Variants in RAPGEF5 observed in about 807,000 individuals in gnomAD.
The protein encoded by RAPGEF5 is M-Ras-regulated GEF.
RAPGEF5 carries 65 observed loss-of-function variants against 125.2 expected under a neutral mutation model. The ratio of observed to expected loss-of-function variants is 0.52; its 90% CI spans 0.43 to 0.64. RAPGEF5 has a LOEUF of 0.64. Ranked by LOEUF, RAPGEF5 falls within the 30% of genes least tolerant of loss-of-function variation. The probability of loss-of-function intolerance (pLI) is 0.00; values close to 1 mark genes in which losing one functional copy is unlikely to be tolerated. For missense variants in RAPGEF5, 958 were observed against 1,048.1 expected (o/e 0.91, Z 1.19); for synonymous variants, 391 against 385.9 (o/e 1.01, Z -0.16).
chr7:22,251,054 T>C (rs554268329), intron 7 of RAPGEF5, among the ~76,000 whole-genome samples: 73 of 152,262 alleles, frequency 4.8e-4, no homozygotes, highest in African/African-American at 1.5e-3. Flanking sequence ...TGGCAAGGAT[T>C]TTTCTTCTTA....
At chr7:22,347,865 A>G (rs1327395215) in intron 1 of RAPGEF5, among the ~76,000 whole-genome samples, 7 of 152,220 alleles carry the variant, frequency 4.6e-5, no homozygotes, top group Non-Finnish European at 1.0e-4. Flanking sequence ...AAATATTAAT[A>G]GTTATCATCA....
chr7:22,318,138 G>GAAAAAAA, intron 1 of RAPGEF5, 101 bp from the exon 2 acceptor site: 1 of 701,996 alleles, frequency 1.4e-6, no homozygotes, highest in South Asian at 3.0e-5. Flanking sequence ...CCTCTGCTAT[G>GAAAAAAA]AAAAAAAAAA....
chr7:22,214,667 T>C lies in RAPGEF5; in HGVS notation c.996+5199A>G, dbSNP rs1785591508. On this transcript the variant is annotated intron_variant, in intron 9 of 25. Coordinates refer to ENST00000665637, the MANE Select transcript of RAPGEF5 (RefSeq NM_012294.5). ...AAGTTACGACTGGGCAAGCACCTTT[T>C]CTTTTTCTGCATTCCCGCCCCCCAA... Among the ~76,000 whole-genome samples, 3 of 152,282 alleles carry C rather than the reference T, an allele frequency of 2.0e-5. No individual in the cohort carries two copies. In the South Asian group the frequency reaches 6.2e-4, roughly 32 times the overall value.
At chr7:22,148,091 C>T (rs187634793) in intron 18 of RAPGEF5, among the ~76,000 whole-genome samples, 5 of 151,838 alleles carry the variant, frequency 3.3e-5, no homozygotes, top group African/African-American at 7.3e-5. Flanking sequence ...GTGTGGTGCT[C>T]GGAAAGCAAT....
chr7:22,316,485 A>ATTTTTT (rs1422209244), intron 2 of RAPGEF5, among the ~76,000 whole-genome samples: 1 of 29,598 alleles, frequency 3.4e-5, no homozygotes, highest in African/African-American at 1.2e-4. Flanking sequence ...ATATATATAT[A>ATTTTTT]TATATTTTTT....
intron 11 of RAPGEF5, among the ~76,000 whole-genome samples, chr7:22,185,841 T>C (rs1784808457): frequency 1.3e-5 from 2 of 152,108 alleles, no homozygotes; most frequent in Admixed American, 1.3e-4. Context: ...TTAGCATGTA[T>C]GCAAACAAAT....
chr7:22,315,625 C>T, intron 2 of RAPGEF5, 149 bp from the exon 3 acceptor site: 1 of 532,898 alleles, frequency 1.9e-6, no homozygotes, highest in Non-Finnish European at 2.4e-6. Flanking sequence ...AAGGTTGAGA[C>T]ATATTTTAGC....
In RAPGEF5 at chr7:22,187,932, A is replaced by T. The variant is rs1675897726; in HGVS notation, c.1204+5435T>A. On this transcript the variant is annotated intron_variant, in intron 11 of 25. Transcript: ENST00000665637. ...TAAAGACCTTAAGGCCTAGGCCCCA[A>T]CTCAGCCCAACTGAATTAGGATCTC... Among the ~76,000 whole-genome samples the T allele has an allele frequency of 2.0e-5, 3 of 152,210 alleles. No individual in the cohort carries two copies. In the South Asian group the frequency reaches 6.2e-4, roughly 32 times the overall value.
At chr7:22,223,241 G>A (rs531406132) in intron 8 of RAPGEF5, among the ~76,000 whole-genome samples, 1 of 152,264 alleles carries the variant, frequency 6.6e-6, no homozygotes, top group South Asian at 2.1e-4. Context: ...AGAGAATCTG[G>A]AGAGTAGTGA....
Position 22,230,932 on chromosome 7 carries a change from A to G in RAPGEF5, c.797-13T>C, listed in dbSNP as rs768183570. On this transcript the variant is annotated splice_polypyrimidine_tract_variant and intron_variant, in intron 7 of 25. Coordinates refer to ENST00000665637, the MANE Select transcript of RAPGEF5 (RefSeq NM_012294.5). ...TCTTGTTCAATTGCTTAAAAAAAAG[A>G]ACACCATTAAACAAATGTATCATCA... The G allele has an allele frequency of 3.2e-6, 5 of 1,549,290 alleles. No individual in the cohort carries two copies. The highest frequency in any genetic ancestry group is 4.4e-6 in the Non-Finnish European group (5 of 1,143,686).
At chr7:22,187,244 T>C (rs1463079919) in intron 11 of RAPGEF5, among the ~76,000 whole-genome samples, 2 of 152,168 alleles carry the variant, frequency 1.3e-5, no homozygotes, top group African/African-American at 2.4e-5. Context: ...TTCTGTAACA[T>C]ATTTTGCAAG....
At chr7:22,183,206 T>G (rs774898594) in intron 11 of RAPGEF5, among the ~76,000 whole-genome samples, 1 of 140,710 alleles carries the variant, frequency 7.1e-6, no homozygotes, top group African/African-American at 2.7e-5. Flanking sequence ...GAGGGGGAGG[T>G]TGCAGTGAGT....
At chr7:22,201,799 G>C (rs1326037455) in intron 9 of RAPGEF5, among the ~76,000 whole-genome samples, 9 of 152,206 alleles carry the variant, frequency 5.9e-5, no homozygotes, top group Non-Finnish European at 7.3e-5. Context: ...CAGGCTTCTA[G>C]TTCCAATATA....
At chr7:22,301,234 T>C (rs1783191291) in intron 5 of RAPGEF5, among the ~76,000 whole-genome samples, 2 of 152,220 alleles carry the variant, frequency 1.3e-5, no homozygotes, top group Admixed American at 6.5e-5. Flanking sequence ...TTATTCTTCA[T>C]AAGACTCTTC....
chr7:22,148,470 T>C (rs2128106347), intron 18 of RAPGEF5, among the ~76,000 whole-genome samples: 1 of 152,370 alleles, frequency 6.6e-6, no homozygotes, highest in East Asian at 1.9e-4. Context: ...AGAAGATTAA[T>C]CTATGTGAAA....
chr7:22,147,344 C>T (rs1209690814), intron 18 of RAPGEF5, among the ~76,000 whole-genome samples: 1 of 152,136 alleles, frequency 6.6e-6, no homozygotes, highest in African/African-American at 2.4e-5. Context: ...AAGTGAAAGC[C>T]CCGAAATCAC....
chr7:22,278,510 A>G (rs902693375), intron 6 of RAPGEF5, among the ~76,000 whole-genome samples: 1 of 152,086 alleles, frequency 6.6e-6, no homozygotes, highest in Non-Finnish European at 1.5e-5. Context: ...AAAGTAGATG[A>G]GGAAAAATCA....
rs569493558 is a variant in RAPGEF5 at position 22,289,010 on chromosome 7, A to G, written c.747+2165T>C. Among the ~76,000 whole-genome samples the G allele has an allele frequency of 4.6e-5, 7 of 152,366 alleles. No homozygotes were observed. The South Asian group carries it at 1.2e-3, about 27-fold the overall frequency. On this transcript the variant is annotated intron_variant, in intron 6 of 25. Coordinates refer to ENST00000665637, the MANE Select transcript of RAPGEF5 (RefSeq NM_012294.5). ...CTTTCTCATTCCTATGCTTGCCCAC[A>G]ATAAATTCCACAGCTAGAATACACA...
chr7:22,356,749 C>T, intron 1 of RAPGEF5, 81 bp downstream of exon 1: 2 of 756,792 alleles, frequency 2.6e-6, no homozygotes, highest in East Asian at 6.7e-5. Flanking sequence ...TTCCAGACGC[C>T]CCCCTCAGCG....
Sources: gnomAD v4.1 joint callset for allele counts (sites outside exome capture counted in the v4.1 genomes callset) on GRCh38, gnomAD v4.1.1 for gene constraint, MANE v1.5 for transcripts, NCBI Gene and HGNC (gene_info 2026-07-23, HGNC 2026-07-21) for gene names.